SORCS3: variants seen among roughly 807,000 people sequenced by gnomAD.
SORCS3 encodes the protein sortilin related VPS10 domain containing receptor 3, also known as VPS10 domain-containing receptor SorCS3.
In SORCS3, 57 loss-of-function variants were observed where a neutral mutation model predicts 146.3. That is an observed-to-expected ratio of 0.39 (90% CI 0.31 to 0.49). The LOEUF (loss-of-function observed/expected upper bound fraction) is 0.49. Ranked by LOEUF, SORCS3 falls within the 20% of genes least tolerant of loss-of-function variation. SORCS3 has a pLI of 0.92. For synonymous variants in SORCS3, 653 were observed against 618.5 expected, an observed-to-expected ratio of 1.06 and a Z score of -0.83; for missense variants, 1,341 against 1,575.5, an observed-to-expected ratio of 0.85 and a Z score of 2.52.
At chr10:105,020,182 G>A (rs1382490008) in intron 4 of SORCS3, among the ~76,000 whole-genome samples, 1 of 152,120 alleles carries the variant, frequency 6.6e-6, no homozygotes, top group East Asian at 1.9e-4. Context: ...AAGCTTTTTG[G>A]CTCTGTTATT....
intron 16 of SORCS3, 72 bp downstream of exon 16, chr10:105,201,325 G>A (rs2056573529): frequency 6.5e-7 from 1 of 1,533,198 alleles, no homozygotes; most frequent in Admixed American, 2.0e-5. Context: ...GTGGGGTGAA[G>A]ATGAAGTTAG....
chr10:104,967,108 G>A (rs554619861), intron 3 of SORCS3, among the ~76,000 whole-genome samples: 3 of 152,118 alleles, frequency 2.0e-5, no homozygotes, highest in Admixed American at 6.5e-5. Flanking sequence ...CTAAGGCAGT[G>A]GCATGTTTAG....
intron 7 of SORCS3, among the ~76,000 whole-genome samples, chr10:105,138,343 G>A (rs2056072693): frequency 6.6e-6 from 1 of 152,160 alleles, no homozygotes; most frequent in Admixed American, 6.5e-5. Flanking sequence ...GGAGAGATGG[G>A]TGGCTTCAGT....
At chr10:105,132,816 A>G (rs770667696) in intron 7 of SORCS3, among the ~76,000 whole-genome samples, 6 of 152,194 alleles carry the variant, frequency 3.9e-5, no homozygotes, top group Non-Finnish European at 5.9e-5. Flanking sequence ...TGTGTTTAGC[A>G]TGACGGATGG....
At chr10:105,176,533 A>G (rs1248353328) in intron 13 of SORCS3, among the ~76,000 whole-genome samples, 1 of 151,982 alleles carries the variant, frequency 6.6e-6, no homozygotes, top group African/African-American at 2.4e-5. Context: ...AGCCTGAGCA[A>G]CAGAGTGAGA....
At chr10:105,027,666 C>T (rs1238295326) in intron 4 of SORCS3, among the ~76,000 whole-genome samples, 5 of 152,210 alleles carry the variant, frequency 3.3e-5, no homozygotes, top group Non-Finnish European at 5.9e-5. Flanking sequence ...ACAAGCAACA[C>T]TCTGCCTTCT....
chr10:105,223,047 T>A, intron 19 of SORCS3, 69 bp from the exon 20 acceptor site: 1 of 1,469,972 alleles, frequency 6.8e-7, no homozygotes, highest in South Asian at 1.4e-5. Context: ...AGGTTAAGAA[T>A]CTAGGGGTGT....
chr10:104,927,649 C>A (rs957112979), intron 3 of SORCS3, among the ~76,000 whole-genome samples: 30 of 150,672 alleles, frequency 2.0e-4, no homozygotes, highest in Non-Finnish European at 3.7e-4. Flanking sequence ...GAGGCCGAGG[C>A]AGGTGGATCA....
chr10:105,244,886 C>T (rs1348800171), intron 20 of SORCS3, among the ~76,000 whole-genome samples: 8 of 151,766 alleles, frequency 5.3e-5, no homozygotes, highest in African/African-American at 1.7e-4. Context: ...CTGGGCAACA[C>T]GGTGAAACCC....
At chr10:105,082,399 C>A (rs1367791052) in intron 5 of SORCS3, among the ~76,000 whole-genome samples, 1 of 152,152 alleles carries the variant, frequency 6.6e-6, no homozygotes, top group African/African-American at 2.4e-5. Context: ...ATTAGTTTAT[C>A]CGTCCTTCAA....
At chr10:105,210,971 A>T (rs2056629670) in intron 16 of SORCS3, among the ~76,000 whole-genome samples, 166 bp from the exon 17 acceptor site, 1 of 152,190 alleles carries the variant, frequency 6.6e-6, no homozygotes, top group South Asian at 2.1e-4. Context: ...TATAAAGCTA[A>T]AAGTTCATTT....
At chr10:104,914,367 A>G (rs1381371915) in intron 2 of SORCS3, among the ~76,000 whole-genome samples, 1 of 152,152 alleles carries the variant, frequency 6.6e-6, no homozygotes, top group African/African-American at 2.4e-5. Flanking sequence ...TCTGGTGCAG[A>G]AAAGAGAGGA....
intron 13 of SORCS3, among the ~76,000 whole-genome samples, chr10:105,177,684 A>G (rs1386361221): frequency 2.6e-5 from 4 of 152,042 alleles, no homozygotes; most frequent in Non-Finnish European, 5.9e-5. Context: ...CTCCCTTTCC[A>G]TTGGGTCCAC....
intron 11 of SORCS3, among the ~76,000 whole-genome samples, chr10:105,160,065 T>C (rs2056249316): frequency 6.6e-6 from 1 of 152,166 alleles, no homozygotes; most frequent in African/African-American, 2.4e-5. Context: ...CCTCACACTC[T>C]GCAATCCATG....
chr10:104,953,953 G>A (rs2019460513), intron 3 of SORCS3, among the ~76,000 whole-genome samples: 1 of 152,194 alleles, frequency 6.6e-6, no homozygotes, highest in Admixed American at 6.5e-5. Context: ...ACAGTGACAT[G>A]GAGTAAATTC....
rs1270416611 is a variant in SORCS3 at position 105,245,637 on chromosome 10, C to T, written c.2964C>T (p.Ile988=). Residue 988 remains isoleucine, a synonymous_variant, in exon 21 of 27, where the codon ATC becomes ATT. Transcript: ENST00000369701. ...AGGTGGCTGCTGGGAATGCCCTCAT[C>T]CAGGACACAAAAGAGATTGCAGTTC... ...TVQVAAGNAL[I]QDTKEIAVHE... is the part of the protein sequence containing the mutation. The T allele has an allele frequency of 1.2e-6, 2 of 1,614,110 alleles. No individual in the cohort carries two copies. Among genetic ancestry groups the T allele is most frequent in the Non-Finnish European group, 8.5e-7 (1 of 1,180,002 alleles).
At chr10:104,657,621 T>C (rs2015648396) in intron 1 of SORCS3, among the ~76,000 whole-genome samples, 1 of 152,220 alleles carries the variant, frequency 6.6e-6, no homozygotes, top group South Asian at 2.1e-4. Context: ...AATTGTCTAC[T>C]CTTTTTCCTT....
intron 4 of SORCS3, among the ~76,000 whole-genome samples, chr10:104,983,247 C>A (rs1045475496): frequency 6.6e-6 from 1 of 151,846 alleles, no homozygotes; most frequent in Non-Finnish European, 1.5e-5. Context: ...GTGATCTGCC[C>A]TCCTCGGCCT....
intron 22 of SORCS3, among the ~76,000 whole-genome samples, chr10:105,248,979 GT>G (rs1451339288): frequency 6.6e-6 from 1 of 152,208 alleles, no homozygotes; most frequent in African/African-American, 2.4e-5. Flanking sequence ...GCAATGCATA[GT>G]TGGGGAGACA....
Sources: gnomAD v4.1 joint callset for allele counts (sites outside exome capture counted in the v4.1 genomes callset) on GRCh38, gnomAD v4.1.1 for gene constraint, MANE v1.5 for transcripts, NCBI Gene and HGNC (gene_info 2026-07-23, HGNC 2026-07-21) for gene names.